EYS: variants seen among roughly 807,000 people sequenced by gnomAD.
The protein encoded by EYS is protein eyes shut homolog.
In EYS, 250 loss-of-function variants were observed where a neutral mutation model predicts 282.1. The ratio of observed to expected loss-of-function variants is 0.89; its 90% confidence interval spans 0.80 to 0.98. The LOEUF is 0.98. Among genes scored for constraint, EYS ranks in the 50% least tolerant of loss-of-function variants. The probability of loss-of-function intolerance (pLI) is 0.00; values close to 1 mark genes in which losing one functional copy is unlikely to be tolerated. For missense variants in EYS, 4,016 were observed against 3,709.0 expected (o/e 1.08, Z -2.15); for synonymous variants, 1,355 against 1,282.9 (o/e 1.06, Z -1.20).
chr6:64,392,330 TC>T lies in EYS; in HGVS notation c.5928-3491del, dbSNP rs1312492114. Among the ~76,000 whole-genome samples the T allele has an allele frequency of 2.7e-5, 4 of 149,490 alleles. No individual in the cohort carries two copies. The East Asian group carries it at 5.9e-4, about 22-fold the overall frequency. ...CAAATCAACAGAATATACATTTTTT[TC>T]CAGCATCACACCACACCTATTCCAA... On this transcript the variant is annotated intron_variant, in intron 28 of 42. Transcript: ENST00000503581.
chr6:65,038,016 T>G (rs1312403446), intron 13 of EYS, among the ~76,000 whole-genome samples: 1 of 151,612 alleles, frequency 6.6e-6, no homozygotes, highest in Non-Finnish European at 1.5e-5. Flanking sequence ...CAACAATATC[T>G]ACAAATTTGC....
intron 22 of EYS, among the ~76,000 whole-genome samples, chr6:64,732,314 A>G (rs1032691185): frequency 6.8e-4 from 103 of 152,266 alleles, no homozygotes; most frequent in African/African-American, 2.4e-3. Flanking sequence ...TATTAAAAAA[A>G]AAAAAAAGAT....
chr6:64,358,707 T>C (rs1262272773), intron 29 of EYS, among the ~76,000 whole-genome samples: 5 of 151,502 alleles, frequency 3.3e-5, no homozygotes, highest in Non-Finnish European at 5.9e-5. Flanking sequence ...TAATCTGGGG[T>C]CATGTTGAGT....
intron 22 of EYS, among the ~76,000 whole-genome samples, chr6:64,792,857 C>CGT (rs61516922): frequency 0.021 from 3,063 of 148,414 alleles, 86 homozygotes; most frequent in African/African-American, 0.069. Context: ...GATCTTGACA[C>CGT]GTGTGTGTGT....
At chr6:64,718,629 T>G (rs1771474289) in intron 22 of EYS, among the ~76,000 whole-genome samples, 1 of 152,208 alleles carries the variant, frequency 6.6e-6, no homozygotes, top group Non-Finnish European at 1.5e-5. Flanking sequence ...CAGTACATTT[T>G]AGGAATACAT....
At chr6:63,742,970 T>G (rs1769122024) in intron 41 of EYS, among the ~76,000 whole-genome samples, 2 of 152,228 alleles carry the variant, frequency 1.3e-5, no homozygotes, top group Non-Finnish European at 2.9e-5. Flanking sequence ...TTTTCTTTTT[T>G]TTTTCTGTAT....
chr6:64,217,843 G>A (rs1765979820), intron 31 of EYS, among the ~76,000 whole-genome samples: 1 of 152,116 alleles, frequency 6.6e-6, no homozygotes, highest in Non-Finnish European at 1.5e-5. Flanking sequence ...AGGAATTTAA[G>A]AGTAGAAAGC....
chr6:65,535,590 T>C (rs1383650730), intron 2 of EYS, among the ~76,000 whole-genome samples: 2 of 152,136 alleles, frequency 1.3e-5, no homozygotes, highest in Non-Finnish European at 2.9e-5. Context: ...TCTTTATTAG[T>C]AGCATGAGAA....
chr6:65,257,869 A>G (rs1767512104), intron 12 of EYS, among the ~76,000 whole-genome samples: 1 of 151,994 alleles, frequency 6.6e-6, no homozygotes, highest in Non-Finnish European at 1.5e-5. Context: ...GGAAGGAGAA[A>G]AGTAAAGATG....
chr6:64,430,776 G>A (rs1437869525), intron 28 of EYS, among the ~76,000 whole-genome samples: 1 of 152,106 alleles, frequency 6.6e-6, no homozygotes, highest in African/African-American at 2.4e-5. Context: ...ATGCAGAAAG[G>A]GGTGGGATTT....
In EYS at chr6:65,371,846, G is replaced by T. The variant is rs144103073; in HGVS notation, c.1299+12540C>A. On this transcript the variant is annotated intron_variant, in intron 8 of 42. Coordinates refer to ENST00000503581, the MANE Select transcript of EYS (RefSeq NM_001142800.2). ...AGAGAGAGAGACAGAGACAGAGAGA[G>T]ATTTTCTTTAGATTTTCAATTGTTG... Among the ~76,000 whole-genome samples the T allele has an allele frequency of 7.8e-4, 118 of 151,402 alleles. 2 individuals carry two copies. The East Asian group carries it at 0.022, about 28-fold the overall frequency.
chr6:64,701,272 A>C (rs1432579216), intron 22 of EYS, among the ~76,000 whole-genome samples: 2 of 152,152 alleles, frequency 1.3e-5, no homozygotes, highest in African/African-American at 4.8e-5. Flanking sequence ...AAAATACTAA[A>C]AGAAAACTTA....
chr6:64,680,900 T>C (rs940528838), intron 22 of EYS, among the ~76,000 whole-genome samples: 4 of 152,058 alleles, frequency 2.6e-5, no homozygotes, highest in African/African-American at 7.2e-5. Flanking sequence ...ATTTAAAACG[T>C]AATGTGAGGT....
intron 22 of EYS, among the ~76,000 whole-genome samples, chr6:64,630,332 C>G (rs958822612): frequency 6.6e-6 from 1 of 152,062 alleles, no homozygotes; most frequent in African/African-American, 2.4e-5. Context: ...CTCCTGACCT[C>G]GTGATCCACC....
chr6:64,605,257 G>T (rs893577176), intron 24 of EYS, among the ~76,000 whole-genome samples: 9 of 151,824 alleles, frequency 5.9e-5, no homozygotes, highest in African/African-American at 2.2e-4. Flanking sequence ...TATAAGAAGT[G>T]CCAATGGCCT....
intron 29 of EYS, among the ~76,000 whole-genome samples, chr6:64,343,370 G>A (rs866506672): frequency 1.3e-5 from 2 of 151,958 alleles, no homozygotes; most frequent in Admixed American, 6.6e-5. Context: ...TCAGACCACA[G>A]TGCAATCAAA....
rs1370663671 is a variant in EYS at position 63,821,880 on chromosome 6, T to C, written c.7229-15508A>G. The stretch of plus-strand genomic sequence containing the variant: ...GTCTCCAAAGCATCCGTGAAACTGT[T>C]CCACAAGACAAGGATGGATGACTGA... On this transcript the variant is annotated intron_variant, in intron 36 of 42. Coordinates refer to ENST00000503581, the MANE Select transcript of EYS (RefSeq NM_001142800.2). 4 of 152,318 alleles carry C rather than the reference T, an allele frequency of 2.6e-5. No homozygotes were observed. The East Asian group carries it at 7.7e-4, about 29-fold the overall frequency. 9.4% of individuals were successfully genotyped at this position (152,318 alleles called of 1,614,324 possible).
At chr6:65,147,936 T>C (rs1341845216) in intron 12 of EYS, among the ~76,000 whole-genome samples, 1 of 152,010 alleles carries the variant, frequency 6.6e-6, no homozygotes, top group Non-Finnish European at 1.5e-5. Context: ...TCAGATCTCC[T>C]GAGAACTCAC....
chr6:63,963,275 A>G (rs1225006029), intron 35 of EYS, among the ~76,000 whole-genome samples: 3 of 152,184 alleles, frequency 2.0e-5, no homozygotes, highest in African/African-American at 7.2e-5. Context: ...AAGTATAAAA[A>G]AAAAAGAAAT....
Sources: gnomAD v4.1 joint callset for allele counts (sites outside exome capture counted in the v4.1 genomes callset) on GRCh38, gnomAD v4.1.1 for gene constraint, MANE v1.5 for transcripts, NCBI Gene and HGNC (gene_info 2026-07-23, HGNC 2026-07-21) for gene names.